The following SH3KBP1 variants were observed in gnomAD, a reference collection of about 807,000 sequenced individuals.
The protein encoded by SH3KBP1 is SH3 domain-containing kinase-binding protein 1.
SH3KBP1 carries 8 observed loss-of-function variants against 50.1 expected under a neutral mutation model. That is an observed-to-expected ratio of 0.16 (90% CI 0.09 to 0.29). The LOEUF (loss-of-function observed/expected upper bound fraction) is 0.29. SH3KBP1 is among the 10% of genes least tolerant of loss of function. The pLI is 1.00. For missense variants in SH3KBP1, 377 were observed against 535.2 expected (o/e 0.70, Z 2.92); for synonymous variants, 227 against 218.6 (o/e 1.04, Z -0.34).
intron 1 of SH3KBP1, among the ~76,000 whole-genome samples, chrX:19,842,547 T>G (rs531670720): frequency 9.0e-6 from 1 of 111,235 alleles, no homozygotes; most frequent in South Asian, 3.7e-4. Flanking sequence ...AATATTAAAA[T>G]TAAAAGTCTA....
intron 4 of SH3KBP1, among the ~76,000 whole-genome samples, chrX:19,702,484 A>G (rs765357119): frequency 2.1e-4 from 23 of 111,304 alleles, no homozygotes; most frequent in African/African-American, 7.5e-4. Context: ...GGCCACTGAG[A>G]AACACCCCAA....
At chrX:19,627,391 G>A (rs2068054448) in intron 8 of SH3KBP1, among the ~76,000 whole-genome samples, 1 of 112,430 alleles carries the variant, frequency 8.9e-6, no homozygotes, top group Non-Finnish European at 1.9e-5. Flanking sequence ...GTTGGGATGA[G>A]ACCCAGAAGC....
At chrX:19,688,922 TA>T (rs1456549456) in intron 5 of SH3KBP1, among the ~76,000 whole-genome samples, 1 of 111,225 alleles carries the variant, frequency 9.0e-6, no homozygotes, top group East Asian at 2.8e-4. Context: ...CACTCCATGT[TA>T]AAATGGGAAA....
At chrX:19,624,018 A>G (rs982693230) in intron 8 of SH3KBP1, among the ~76,000 whole-genome samples, 2 of 111,870 alleles carry the variant, frequency 1.8e-5, no homozygotes, top group Non-Finnish European at 3.8e-5. Flanking sequence ...GTAAAGACAG[A>G]GTCTCTCGCT....
At chrX:19,706,365 G>A (rs990663550) in intron 4 of SH3KBP1, among the ~76,000 whole-genome samples, 3 of 110,721 alleles carry the variant, frequency 2.7e-5, no homozygotes, top group African/African-American at 6.6e-5. Flanking sequence ...TCAGCCCTGC[G>A]TCTTCTAGGG....
chrX:19,824,546 C>G (rs1158296352), intron 2 of SH3KBP1, among the ~76,000 whole-genome samples: 8 of 111,523 alleles, frequency 7.2e-5, no homozygotes, highest in African/African-American at 2.6e-4. Flanking sequence ...GACATGGAGT[C>G]GCTGTGGGAG....
intron 14 of SH3KBP1, among the ~76,000 whole-genome samples, chrX:19,549,581 A>T (rs1487799221): frequency 1.8e-5 from 2 of 111,612 alleles, no homozygotes; most frequent in Non-Finnish European, 3.8e-5. Flanking sequence ...GCCTGGCGCT[A>T]TATAGGAGCA....
At chrX:19,560,144 T>C (rs1216328596) in intron 13 of SH3KBP1, among the ~76,000 whole-genome samples, 2 of 109,414 alleles carry the variant, frequency 1.8e-5, no homozygotes, top group Non-Finnish European at 3.8e-5. Flanking sequence ...AAAATAGTTA[T>C]GTTCATAACC....
chrX:19,867,470 G>C (rs1235071964), intron 1 of SH3KBP1, among the ~76,000 whole-genome samples: 1 of 112,292 alleles, frequency 8.9e-6, no homozygotes, highest in Non-Finnish European at 1.9e-5. Flanking sequence ...GTGTCTTCCT[G>C]TTTATAAACC....
intron 2 of SH3KBP1, among the ~76,000 whole-genome samples, chrX:19,809,478 C>T (rs776620386): frequency 1.8e-5 from 2 of 109,671 alleles, no homozygotes; most frequent in South Asian, 4.0e-4. Context: ...GAGCCGAGAT[C>T]GCACCACTGC....
intron 1 of SH3KBP1, among the ~76,000 whole-genome samples, chrX:19,847,267 C>T (rs1321359846): frequency 9.0e-6 from 1 of 111,358 alleles, no homozygotes; most frequent in Non-Finnish European, 1.9e-5. Flanking sequence ...ATCCTGCTAC[C>T]GCGAGCCCCT....
At chrX:19,766,326 T>C (rs1162998779) in intron 2 of SH3KBP1, among the ~76,000 whole-genome samples, 1 of 109,762 alleles carries the variant, frequency 9.1e-6, no homozygotes, top group Admixed American at 9.8e-5. Flanking sequence ...GAAAACTGTC[T>C]ATTCAAGTCC....
chrX:19,867,869 A>T (rs1039807152), intron 1 of SH3KBP1, among the ~76,000 whole-genome samples: 1 of 111,720 alleles, frequency 9.0e-6, no homozygotes, highest in African/African-American at 3.3e-5. Context: ...AGAAAAAAAA[A>T]TTGATGAAAG....
At chrX:19,561,797 G>A (rs1042806132) in intron 13 of SH3KBP1, among the ~76,000 whole-genome samples, 2 of 108,499 alleles carry the variant, frequency 1.8e-5, no homozygotes, top group African/African-American at 3.4e-5. Context: ...AAATCAAGCC[G>A]TCTCCCAAAT....
intron 2 of SH3KBP1, among the ~76,000 whole-genome samples, chrX:19,786,858 A>G (rs1159054243): frequency 1.8e-5 from 2 of 111,962 alleles, no homozygotes; most frequent in Non-Finnish European, 3.8e-5. Context: ...AAGCATCCTC[A>G]TTCTTTTTTC....
At chrX:19,588,960 TAGA>T (rs1190811888) in intron 11 of SH3KBP1, among the ~76,000 whole-genome samples, 158 bp from the exon 12 acceptor site, 1 of 111,487 alleles carries the variant, frequency 9.0e-6, no homozygotes, top group African/African-American at 3.3e-5. Flanking sequence ...TTTGTCAGGT[TAGA>T]AGAAGTCCCA....
At chrX:19,874,062 A>ATATAT (rs1336839110) in intron 1 of SH3KBP1, among the ~76,000 whole-genome samples, 1 of 88,814 alleles carries the variant, frequency 1.1e-5, no homozygotes, top group African/African-American at 5.6e-5. Flanking sequence ...AAAAAAAAAA[A>ATATAT]AAAAAAATAT....
At chrX:19,569,820 C>A in intron 12 of SH3KBP1, among the ~76,000 whole-genome samples, 1 of 111,355 alleles carries the variant, frequency 9.0e-6, no homozygotes. Flanking sequence ...TGGGAACAGG[C>A]CTCCAAGATG....
At chrX:19,572,370 T>C (rs962945416) in intron 12 of SH3KBP1, among the ~76,000 whole-genome samples, 2 of 99,369 alleles carry the variant, frequency 2.0e-5, no homozygotes, top group African/African-American at 8.3e-5. Context: ...ATATAGTACA[T>C]ATATGTTATA....
Sources: gnomAD v4.1 joint callset for allele counts (sites outside exome capture counted in the v4.1 genomes callset) on GRCh38, gnomAD v4.1.1 for gene constraint, MANE v1.5 for transcripts, NCBI Gene and HGNC (gene_info 2026-07-23, HGNC 2026-07-21) for gene names.